TPRG1: variants seen among roughly 807,000 people sequenced by gnomAD.
TPRG1 encodes the protein tumor protein p63-regulated gene 1 protein.
In TPRG1, 29 loss-of-function variants were observed where a neutral mutation model predicts 29.3. That is an observed-to-expected ratio of 0.99 (90% CI 0.74 to 1.35). The LOEUF is 1.35. TPRG1 is among the 40% of genes most tolerant of loss of function. The pLI, the probability that TPRG1 is intolerant of heterozygous loss-of-function variation, is 0.00. For missense variants in TPRG1, 327 were observed against 335.0 expected, an observed-to-expected ratio of 0.98 and a Z score of 0.19; for synonymous variants, 130 against 116.8, an observed-to-expected ratio of 1.11 and a Z score of -0.73.
At chr3:189,027,546 G>T (rs1713728114) in intron 4 of TPRG1, among the ~76,000 whole-genome samples, 1 of 152,110 alleles carries the variant, frequency 6.6e-6, no homozygotes, top group African/African-American at 2.4e-5. Flanking sequence ...GCCCACAGGG[G>T]CAATATTATT....
intron 4 of TPRG1, among the ~76,000 whole-genome samples, chr3:189,030,759 C>T (rs930910104): frequency 6.6e-6 from 1 of 152,138 alleles, no homozygotes; most frequent in Non-Finnish European, 1.5e-5. Flanking sequence ...CACCATATGT[C>T]ATGCTTCTTA....
upstream of TPRG1, among the ~76,000 whole-genome samples, chr3:189,170,972 A>G (rs1728746495): frequency 6.6e-6 from 1 of 152,226 alleles, no homozygotes; most frequent in Non-Finnish European, 1.5e-5. Flanking sequence ...AATGAAGTAG[A>G]GAATTTAGGA....
intron 4 of TPRG1, among the ~76,000 whole-genome samples, chr3:189,298,826 T>C (rs1225873926): frequency 6.6e-6 from 1 of 152,194 alleles, no homozygotes; most frequent in Admixed American, 6.5e-5. Flanking sequence ...AATGAATGTA[T>C]CATGTATCTT....
chr3:189,308,616 C>T (rs1721984408), intron 4 of TPRG1, among the ~76,000 whole-genome samples: 1 of 152,146 alleles, frequency 6.6e-6, no homozygotes, highest in Non-Finnish European at 1.5e-5. Context: ...TTTTTATAGT[C>T]ACATTGACTG....
intron 1 of TPRG1, among the ~76,000 whole-genome samples, chr3:189,125,047 T>A (rs1722291553): frequency 1.3e-5 from 2 of 152,244 alleles, no homozygotes. Context: ...TCGCTCTGAA[T>A]GTTTGCTTTT....
chr3:189,113,885 T>C (rs943550541), intron 1 of TPRG1, among the ~76,000 whole-genome samples: 1 of 151,518 alleles, frequency 6.6e-6, no homozygotes, highest in Non-Finnish European at 1.5e-5. Flanking sequence ...AACCTGCACA[T>C]TGTGCACATG....
At chr3:189,137,350 T>TGTGTGTGTG (rs1723891023) in intron 3 of TPRG1, among the ~76,000 whole-genome samples, 3 of 67,738 alleles carry the variant, frequency 4.4e-5, no homozygotes, top group South Asian at 4.4e-4. Flanking sequence ...GTGTGTGTGT[T>TGTGTGTGTG]TGGGTGAAGT....
intron 5 of TPRG1, 147 bp downstream of exon 5, chr3:189,310,686 C>A: frequency 2.4e-6 from 1 of 419,570 alleles, no homozygotes; most frequent in Non-Finnish European, 3.7e-6. Flanking sequence ...TTTATATAGA[C>A]AAAAACGGTA....
rs1713819918 is a variant in TPRG1 at position 189,265,074 on chromosome 3, G to A, written c.479+26165G>A. On this transcript the variant is annotated intron_variant, in intron 4 of 5. Coordinates refer to ENST00000345063, the MANE Select transcript of TPRG1 (RefSeq NM_198485.4). ...AATTTGAAATGTATGAATCTAGAAAGAAGCCATTTGAATTTTGACATTCAT... is the reference window on the plus strand; with the variant it reads ...AATTTGAAATGTATGAATCTAGAAAAAAGCCATTTGAATTTTGACATTCAT... Among the ~76,000 whole-genome samples the A allele has an allele frequency of 2.0e-5, 3 of 152,194 alleles. No individual in the cohort carries two copies. In the South Asian group the frequency reaches 6.2e-4, roughly 31 times the overall value.
At chr3:189,194,143 T>C (rs928414212) in intron 1 of TPRG1, among the ~76,000 whole-genome samples, 5 of 151,920 alleles carry the variant, frequency 3.3e-5, no homozygotes, top group Non-Finnish European at 7.4e-5. Flanking sequence ...TCTGCATAGG[T>C]GCAATGGTAT....
chr3:189,162,141 T>C (rs1727575048), intron 5 of TPRG1, among the ~76,000 whole-genome samples: 1 of 151,994 alleles, frequency 6.6e-6, no homozygotes, highest in Non-Finnish European at 1.5e-5. Flanking sequence ...TACAGTCACC[T>C]GCCACCATGC....
intron 4 of TPRG1, among the ~76,000 whole-genome samples, chr3:189,279,312 A>G (rs1489625383): frequency 6.6e-6 from 1 of 152,196 alleles, no homozygotes; most frequent in East Asian, 1.9e-4. Flanking sequence ...CTTTCTATGC[A>G]TGATTCAGTT....
chr3:189,187,478 A>T (rs200199670), intron 1 of TPRG1, among the ~76,000 whole-genome samples: 9 of 147,054 alleles, frequency 6.1e-5, no homozygotes, highest in Non-Finnish European at 7.5e-5. Context: ...GCTGATTTTT[A>T]TTTTTTTTTT....
At chr3:189,138,848 C>T (rs1415717291) in intron 3 of TPRG1, among the ~76,000 whole-genome samples, 1 of 152,048 alleles carries the variant, frequency 6.6e-6, no homozygotes, top group African/African-American at 2.4e-5. Flanking sequence ...TTCTAGCTTC[C>T]CTAGGGGACA....
chr3:189,049,304 G>A (rs1013928847), intron 4 of TPRG1, among the ~76,000 whole-genome samples: 33 of 152,286 alleles, frequency 2.2e-4, no homozygotes, highest in Admixed American at 9.8e-4. Flanking sequence ...TGTGGGTAGT[G>A]GGGGCATAGT....
intron 1 of TPRG1, among the ~76,000 whole-genome samples, chr3:189,118,594 C>T (rs978285510): frequency 6.6e-6 from 1 of 152,150 alleles, no homozygotes; most frequent in South Asian, 2.1e-4. Flanking sequence ...CCCAGGGACC[C>T]CTGCAGCCTT....
At chr3:189,029,469 C>T (rs1457293128) in intron 4 of TPRG1, among the ~76,000 whole-genome samples, 1 of 152,112 alleles carries the variant, frequency 6.6e-6, no homozygotes, top group East Asian at 1.9e-4. Context: ...ATAGAACAGA[C>T]AAAAGCAATT....
At chr3:189,200,052 G>C (rs1410401694) in intron 1 of TPRG1, among the ~76,000 whole-genome samples, 1 of 152,198 alleles carries the variant, frequency 6.6e-6, no homozygotes, top group East Asian at 1.9e-4. Context: ...CGGCAAAAGA[G>C]TGAGCACCCA....
intron 3 of TPRG1, among the ~76,000 whole-genome samples, chr3:189,222,319 A>G (rs1578894363): frequency 6.6e-6 from 1 of 152,182 alleles, no homozygotes. Flanking sequence ...ACTACTACCA[A>G]TAATTAAAAA....
Sources: gnomAD v4.1 joint callset for allele counts (sites outside exome capture counted in the v4.1 genomes callset) on GRCh38, gnomAD v4.1.1 for gene constraint, MANE v1.5 for transcripts, NCBI Gene and HGNC (gene_info 2026-07-23, HGNC 2026-07-21) for gene names.